Variants in AGRN observed in about 807,000 individuals in gnomAD.
AGRN encodes the protein agrin proteoglycan.
Under a neutral mutation model 211.0 loss-of-function variants are expected in AGRN, and 106 were observed. The ratio of observed to expected loss-of-function variants is 0.50; its 90% CI spans 0.43 to 0.59. The LOEUF (loss-of-function observed/expected upper bound fraction) is 0.59. Among genes scored for constraint, AGRN ranks in the 20% least tolerant of loss-of-function variants. The probability of loss-of-function intolerance (pLI) is 0.00; values close to 1 mark genes in which losing one functional copy is unlikely to be tolerated. For synonymous variants in AGRN, 1,525 were observed against 1,332.5 expected, an observed-to-expected ratio of 1.14 and a Z score of -3.15; for missense variants, 3,040 against 2,982.6, an observed-to-expected ratio of 1.02 and a Z score of -0.45.
chr1:1,049,502 C>T (rs376278215), intron 25 of AGRN, 51 bp downstream of exon 25: 49 of 1,596,988 alleles, frequency 3.1e-5, no homozygotes, highest in South Asian at 2.8e-4. Context: ...TTTGGGGTCC[C>T]GGTGTACGAG....
chr1:1,045,446 G>C lies in AGRN; in HGVS notation c.2459G>C (p.Gly820Ala). ...TGCTCCTGCCGCCCAGGTGTGGGGG[G>C]CCTCAGGTGTGACCGCTGTGAGCCT... is the stretch of plus-strand genomic sequence containing the variant. ...GQCSCRPGVGGLRCDRCEPGF... is the reference protein window; with the variant it reads ...GQCSCRPGVGALRCDRCEPGF... Residue 820 changes from glycine (G) to alanine (A), a missense_variant, in exon 14 of 36, where the codon GGC (glycine) becomes GCC (alanine). Gly to Ala is a moderately conservative substitution (Grantham distance 60, BLOSUM62 0). Around this residue, in one of 3 missense-constraint regions of AGRN, gnomAD observed 1,498 missense variants for 1,457.8 expected, o/e 1.03. Transcript: ENST00000379370. 1.2e-6 allele frequency: 2 copies of C among 1,612,584 alleles called. No homozygotes were observed. The highest frequency in any genetic ancestry group is 1.3e-5 in the African/African-American group (1 of 75,064).
In AGRN at chr1:1,043,166, G is replaced by T. The variant is rs538801491; in HGVS notation, c.1385-73G>T. ...TCCCCTCCCTGGAAGAGGGACTGCTGCGTGGGGCTGGGGGCTTTGCCTGCA... is the reference window on the plus strand; with the variant it reads ...TCCCCTCCCTGGAAGAGGGACTGCTTCGTGGGGCTGGGGGCTTTGCCTGCA... On this transcript the variant is annotated intron_variant, in intron 7 of 35. Coordinates refer to ENST00000379370, the MANE Select transcript of AGRN (RefSeq NM_198576.4). 14 of 1,495,216 alleles carry T rather than the reference G, an allele frequency of 9.4e-6. No homozygotes were observed. The African/African-American group carries it at 1.1e-4, about 12-fold the overall frequency. 92.6% of individuals were successfully genotyped at this position (1,495,216 alleles called of 1,614,324 possible).
At chr1:1,042,261 G>C in intron 7 of AGRN, 99 bp downstream of exon 7, 3 of 1,414,916 alleles carry the variant, frequency 2.1e-6, no homozygotes, top group Middle Eastern at 4.5e-4. Flanking sequence ...GTTCCTCTTG[G>C]GGTCCTGGGA....
Position 1,047,667 on chromosome 1 carries a change from T to C in AGRN, c.3611T>C (p.Val1204Ala). Residue 1204 changes from valine to alanine, a missense_variant, in exon 21 of 36, where the codon GTG (valine) becomes GCG (alanine). Around this residue, in one of 3 missense-constraint regions of AGRN, gnomAD observed 1,537 missense variants for 1,505.0 expected, o/e 1.02. Coordinates refer to ENST00000379370, the MANE Select transcript of AGRN (RefSeq NM_198576.4). ...LGPGKSVRAIVDVHFDPTTAF... is the reference protein window; with the variant it reads ...LGPGKSVRAIADVHFDPTTAF... ...CCCGGCAAATCCGTCCGCGCCATTG[T>C]GGATGTGCACTTTGACCCCAGTGAG... 6.2e-7 allele frequency: 1 copy of C among 1,613,078 alleles called. No homozygotes were observed. The highest frequency in any genetic ancestry group is 8.5e-7 in the Non-Finnish European group (1 of 1,180,006).
In AGRN at chr1:1,046,651, G is replaced by A. The variant is rs201651738; in HGVS notation, c.3166G>A (p.Ala1056Thr). 6.1e-5 allele frequency: 97 copies of A among 1,595,372 alleles called. No homozygotes were observed. The highest frequency in any genetic ancestry group is 2.8e-4 in the African/African-American group (21 of 74,972). ...PSPAPSLVAS[A>T]FGESGSTDGS... ...CCCTGCACCCAGCCTGGTGGCGTCC[G>A]CCTTTGGTGAATCTGGCAGCACTGA... Residue 1056 changes from alanine to threonine, a missense_variant, in exon 18 of 36, where the codon GCC (alanine) becomes ACC (threonine). Ala to Thr is a moderately conservative substitution (Grantham distance 58). Coordinates refer to ENST00000379370, the MANE Select transcript of AGRN (RefSeq NM_198576.4).
chr1:1,050,793 G>A lies in AGRN; in HGVS notation c.5209G>A (p.Ala1737Thr). ...VSLERNGRKGALRVGDGPRVL... is the reference protein window; with the variant it reads ...VSLERNGRKGTLRVGDGPRVL... ...ACTGGAGCGAAACGGCCGCAAGGGT[G>A]CCCTGCGTGTGGGCGACGGCCCCCG... The change falls in exon 30 of 36, where the codon GCC (alanine) becomes ACC (threonine). Residue 1737 changes from alanine to threonine, a missense_variant. Coordinates refer to ENST00000379370, the MANE Select transcript of AGRN (RefSeq NM_198576.4). 6.3e-7 allele frequency: 1 copy of A among 1,599,966 alleles called. No individual in the cohort carries two copies. Among genetic ancestry groups the A allele is most frequent in the East Asian group, 2.2e-5 (1 of 44,518 alleles).
chr1:1,044,838 G>A (rs1230995104), intron 12 of AGRN, among the ~76,000 whole-genome samples: 1 of 152,198 alleles, frequency 6.6e-6, no homozygotes, highest in Non-Finnish European at 1.5e-5. Flanking sequence ...GAGGAATGTG[G>A]GTGAGAACGC....
chr1:1,053,132 C>T (rs561708859), intron 33 of AGRN: 8 of 278,074 alleles, frequency 2.9e-5, no homozygotes, highest in Admixed American at 1.5e-4. Flanking sequence ...TACCACCCTA[C>T]GCCTACCTCC....
At position 1,046,891 on chromosome 1, in the gene AGRN, T is replaced by G; in HGVS notation, c.3322T>G (p.Ser1108Ala). 6.3e-7 allele frequency: 1 copy of G among 1,584,636 alleles called. No individual in the cohort carries two copies. Among genetic ancestry groups the G allele is most frequent in the African/African-American group, 1.3e-5 (1 of 74,832 alleles). Residue 1108 changes from serine (S) to alanine (A), a missense_variant, in exon 19 of 36, where the codon TCC becomes GCC. Ser to Ala is a moderately conservative substitution (Grantham distance 99). This residue lies in a region of AGRN where 1,537 missense variants were observed against 1,505.0 expected (regional missense o/e 1.02). Coordinates refer to ENST00000379370, the MANE Select transcript of AGRN (RefSeq NM_198576.4). The stretch of plus-strand genomic sequence containing the variant: ...TGTCGAGAGGGCTTCCTGCTACAAC[T>G]CCGCGTTGGGCTGCTGCTCTGATGG... ...PPVERASCYNSALGCCSDGKT... is the reference protein window; with the variant it reads ...PPVERASCYNAALGCCSDGKT...
intron 2 of AGRN, among the ~76,000 whole-genome samples, chr1:1,025,389 G>A (rs1163978790): frequency 6.6e-6 from 1 of 152,174 alleles, no homozygotes; most frequent in Non-Finnish European, 1.5e-5. Context: ...CACGGCACCG[G>A]GGACAGCATC....
chr1:1,053,717 C>G, intron 33 of AGRN, 36 bp from the exon 34 acceptor site: 1 of 1,562,386 alleles, frequency 6.4e-7, no homozygotes, highest in Non-Finnish European at 8.7e-7. Flanking sequence ...CTGTTGCCAC[C>G]TTCCTAGAGG....
intron 2 of AGRN, among the ~76,000 whole-genome samples, chr1:1,030,569 A>ATG (rs1557689385): frequency 7.9e-5 from 1 of 12,702 alleles, no homozygotes; most frequent in Admixed American, 1.3e-3. Flanking sequence ...AGAGATCAGC[A>ATG]TGTGTGTGTG....
Position 1,051,348 on chromosome 1 carries a change from C to G in AGRN, c.5349C>G (p.Gly1783=). ...CCCGTGCTGCTGCCGTGTCCTCTGGCTTCGACGGTGCCATCCAGCTGGTAT... is the reference window on the plus strand; with the variant it reads ...CCCGTGCTGCTGCCGTGTCCTCTGGGTTCGACGGTGCCATCCAGCTGGTAT... ...KLARAAAVSS[G]FDGAIQLVSL... Residue 1783 remains glycine (G), a synonymous_variant, in exon 31 of 36, where the codon GGC becomes GGG. Transcript: ENST00000379370. The G allele has an allele frequency of 1.3e-6, 2 of 1,566,562 alleles. No homozygotes were observed. Among genetic ancestry groups the G allele is most frequent in the South Asian group, 1.2e-5 (1 of 85,366 alleles).
Position 1,020,239 on chromosome 1 carries a change from G to A in AGRN, c.67G>A (p.Val23Ile), listed in dbSNP as rs201073369. The A allele has an allele frequency of 2.1e-6, 3 of 1,445,888 alleles. No homozygotes were observed. Among genetic ancestry groups the A allele is most frequent in the South Asian group, 1.3e-5 (1 of 74,262 alleles). 89.6% of individuals were successfully genotyped at this position (1,445,888 alleles called of 1,614,324 possible). Reference protein sequence around the residue: ...LLPLLVVAACVLPGAGGTCPE... With the variant: ...LLPLLVVAACILPGAGGTCPE... ...GCCGCTCCTTGTGGTGGCCGCGTGC[G>A]TCCTGCCCGGAGCCGGCGGGACATG... The change falls in exon 1 of 36, where the codon GTC becomes ATC. Residue 23 changes from valine to isoleucine, a missense_variant. Physicochemically the swap from Val to Ile is conservative, Grantham distance 29. Around this residue, in one of 3 missense-constraint regions of AGRN, gnomAD observed 1,498 missense variants for 1,457.8 expected, o/e 1.03. Coordinates refer to ENST00000379370, the MANE Select transcript of AGRN (RefSeq NM_198576.4).
intron 33 of AGRN, 200 bp downstream of exon 33, chr1:1,052,015 G>A (rs980839475): frequency 1.9e-5 from 29 of 1,533,852 alleles, no homozygotes; most frequent in African/African-American, 5.5e-5. Context: ...TGAGATCCCC[G>A]TGTGAGTAGA....
chr1:1,055,120 GCAGA>G lies in AGRN; in HGVS notation c.*145_*148del. The G allele has an allele frequency of 1.4e-6, 2 of 1,383,778 alleles. No homozygotes were observed. The highest frequency in any genetic ancestry group is 2.0e-6 in the Non-Finnish European group (2 of 1,013,864). The allele number at this position is 1,383,778 out of a possible 1,614,324, so 85.7% of individuals were successfully genotyped here. A position where few individuals can be genotyped will look rare whatever the true frequency, so the allele number is the denominator to read the frequency against. On this transcript the variant is annotated 3_prime_UTR_variant, in exon 36 of 36. Transcript: ENST00000379370. Reference sequence around the variant, plus strand: ...TCCCTTCCGTCCAGGCAGCCGTGCTGCAGACAGACCTAGTGCCGAGGGATGGACA... The same window carrying G: ...TCCCTTCCGTCCAGGCAGCCGTGCTGCAGACCTAGTGCCGAGGGATGGACA...
chr1:1,043,163 G>A lies in AGRN; in HGVS notation c.1385-76G>A, dbSNP rs549906849. On this transcript the variant is annotated intron_variant, in intron 7 of 35. Transcript: ENST00000379370. ...CCATCCCCTCCCTGGAAGAGGGACT[G>A]CTGCGTGGGGCTGGGGGCTTTGCCT... is the stretch of plus-strand genomic sequence containing the variant. The A allele has an allele frequency of 2.0e-6, 3 of 1,480,050 alleles. No homozygotes were observed. In the African/African-American group the frequency reaches 4.2e-5, roughly 21 times the overall value. 91.7% of individuals were successfully genotyped at this position (1,480,050 alleles called of 1,614,324 possible). A position where few individuals can be genotyped will look rare whatever the true frequency, so the allele number is the denominator to read the frequency against.
In AGRN at chr1:1,049,945, C is replaced by A; in HGVS notation, c.4787C>A (p.Pro1596His). 1 of 1,612,334 alleles carries A rather than the reference C, an allele frequency of 6.2e-7. No individual in the cohort carries two copies. The highest frequency in any genetic ancestry group is 8.5e-7 in the Non-Finnish European group (1 of 1,179,832). ...ADEKSPCQPN[P>H]CHGAAPCRVL... The stretch of plus-strand genomic sequence containing the variant: ...GAGAAGAGCCCCTGCCAGCCCAACC[C>A]CTGCCATGGGGCGGCGCCCTGCCGT... Residue 1596 changes from proline (P) to histidine (H), a missense_variant, in exon 27 of 36, where the codon CCC (proline) becomes CAC (histidine). Physicochemically the swap from Pro to His is moderately conservative, Grantham distance 77. Around this residue, in one of 3 missense-constraint regions of AGRN, gnomAD observed 1,537 missense variants for 1,505.0 expected, o/e 1.02. Coordinates refer to ENST00000379370, the MANE Select transcript of AGRN (RefSeq NM_198576.4).
rs1195657543 is a variant in AGRN at position 1,049,713 on chromosome 1, G to C, written c.4662G>C (p.Leu1554=). The change falls in exon 26 of 36, where the codon CTG becomes CTC. Residue 1554 remains leucine (L), a synonymous_variant. Transcript: ENST00000379370. The part of the protein sequence containing the change: ...GVGECGDHPC[L]PNPCHGGAPC... ...GCGAGTGCGGGGACCACCCCTGCCTGCCCAACCCCTGCCATGGCGGGGCCC... is the reference window on the plus strand; with the variant it reads ...GCGAGTGCGGGGACCACCCCTGCCTCCCCAACCCCTGCCATGGCGGGGCCC... 1 of 1,581,068 alleles carries C rather than the reference G, an allele frequency of 6.3e-7. No homozygotes were observed. Among genetic ancestry groups the C allele is most frequent in the East Asian group, 2.3e-5 (1 of 43,232 alleles).
Sources: gnomAD v4.1 joint callset for allele counts (sites outside exome capture counted in the v4.1 genomes callset) on GRCh38, gnomAD v4.1.1 for gene constraint, gnomAD v4.1.1 regional missense constraint, MANE v1.5 for transcripts, NCBI Gene and HGNC (gene_info 2026-07-23, HGNC 2026-07-21) for gene names.